The following GRIA3 variants were observed in gnomAD, a reference collection of about 807,000 sequenced individuals.
GRIA3 encodes the protein glutamate ionotropic receptor AMPA type subunit 3, also known as glutamate receptor 3.
In GRIA3, 3 loss-of-function variants were observed where a neutral mutation model predicts 63.0. The ratio of observed to expected loss-of-function variants is 0.05; its 90% CI spans 0.02 to 0.12. The LOEUF (loss-of-function observed/expected upper bound fraction) is 0.12. GRIA3 is among the 10% of genes least tolerant of loss of function. The pLI is 1.00. For synonymous variants in GRIA3, 274 were observed against 257.9 expected (o/e 1.06, Z -0.60); for missense variants, 347 against 700.9 (o/e 0.50, Z 5.70).
chrX:123,217,950 G>A (rs774275038), intron 2 of GRIA3, among the ~76,000 whole-genome samples: 3 of 112,550 alleles, frequency 2.7e-5, no homozygotes, highest in East Asian at 2.8e-4. Flanking sequence ...AATTATTTCC[G>A]ACAGATTGCA....
At chrX:123,354,828 T>A (rs2045122460) in intron 4 of GRIA3, 82 bp from the exon 5 acceptor site, 1 of 687,307 alleles carries the variant, frequency 1.5e-6, no homozygotes, top group Admixed American at 2.2e-5. Flanking sequence ...GCTCTAACAT[T>A]TTGTTCTAGC....
intron 5 of GRIA3, among the ~76,000 whole-genome samples, chrX:123,364,398 C>T (rs931589295): frequency 1.8e-5 from 2 of 111,667 alleles, no homozygotes; most frequent in Non-Finnish European, 3.8e-5. Flanking sequence ...ACAATTAGCC[C>T]CCTTACTACC....
intron 12 of GRIA3, among the ~76,000 whole-genome samples, chrX:123,458,997 T>TGTC (rs1162861285): frequency 8.9e-6 from 1 of 111,993 alleles, no homozygotes; most frequent in Non-Finnish European, 1.9e-5. Context: ...AAATAAATTC[T>TGTC]GTCAGTAAAA....
intron 5 of GRIA3, among the ~76,000 whole-genome samples, chrX:123,394,353 C>T (rs1163354334): frequency 9.1e-6 from 1 of 110,361 alleles, no homozygotes; most frequent in South Asian, 4.0e-4. Flanking sequence ...GGCGACACAG[C>T]GAGACTCTGC....
intron 5 of GRIA3, among the ~76,000 whole-genome samples, chrX:123,364,153 C>A (rs746176940): frequency 3.1e-4 from 35 of 112,212 alleles, no homozygotes; most frequent in Non-Finnish European, 6.2e-4. Context: ...TTGTAATCAA[C>A]CCTTAATTAT....
intron 5 of GRIA3, among the ~76,000 whole-genome samples, chrX:123,365,182 T>A (rs1461030623): frequency 8.9e-6 from 1 of 111,982 alleles, no homozygotes; most frequent in Non-Finnish European, 1.9e-5. Flanking sequence ...TTTCACATTG[T>A]ATATGTATAT....
At chrX:123,342,436 C>A (rs1281286430) in intron 4 of GRIA3, among the ~76,000 whole-genome samples, 2 of 112,080 alleles carry the variant, frequency 1.8e-5, no homozygotes, top group Non-Finnish European at 3.8e-5. Context: ...CTCACTCAGA[C>A]TTTTAATTAA....
At chrX:123,365,955 T>C (rs2045207592) in intron 5 of GRIA3, among the ~76,000 whole-genome samples, 1 of 111,930 alleles carries the variant, frequency 8.9e-6, no homozygotes, top group South Asian at 3.7e-4. Context: ...GGTGGATTAT[T>C]CATGAGTTTT....
At chrX:123,308,597 G>C (rs1419742911) in intron 3 of GRIA3, among the ~76,000 whole-genome samples, 2 of 111,921 alleles carry the variant, frequency 1.8e-5, no homozygotes, top group Non-Finnish European at 3.8e-5. Context: ...AGGGTAACCA[G>C]GGCTGTGCAG....
intron 2 of GRIA3, among the ~76,000 whole-genome samples, chrX:123,187,349 T>G (rs1254762556): frequency 1.8e-5 from 2 of 112,421 alleles, no homozygotes; most frequent in Non-Finnish European, 3.8e-5. Context: ...GATCCTTATA[T>G]GAACGTGTTC....
intron 13 of GRIA3, among the ~76,000 whole-genome samples, chrX:123,469,255 T>G (rs2045850378): frequency 8.9e-6 from 1 of 112,015 alleles, no homozygotes; most frequent in Non-Finnish European, 1.9e-5. Flanking sequence ...GCAATTATAT[T>G]AAGTCATTGA....
At chrX:123,199,529 A>C (rs1192414061) in intron 2 of GRIA3, among the ~76,000 whole-genome samples, 1 of 111,115 alleles carries the variant, frequency 9.0e-6, no homozygotes, top group East Asian at 2.8e-4. Context: ...AGAGATGCTC[A>C]GTGACTAGCC....
chrX:123,291,491 C>T (rs2044655495), intron 3 of GRIA3, among the ~76,000 whole-genome samples: 1 of 110,730 alleles, frequency 9.0e-6, no homozygotes, highest in Non-Finnish European at 1.9e-5. Context: ...CCAAAGCAAT[C>T]ATACCCCAAG....
rs776294174 is a variant in GRIA3, at chrX:123,352,302, A to T, written c.697-2608A>T. ...TCCATGTTGTTCAGGCTGGTCTCAAACTCCCAACCTCAGGTGATCCGCCTG... is the reference window on the plus strand; with the variant it reads ...TCCATGTTGTTCAGGCTGGTCTCAATCTCCCAACCTCAGGTGATCCGCCTG... On this transcript the variant is annotated intron_variant, in intron 4 of 15. Coordinates refer to ENST00000620443, the MANE Select transcript of GRIA3 (RefSeq NM_007325.5). Among the ~76,000 whole-genome samples the T allele has an allele frequency of 4.5e-5, 5 of 110,857 alleles. No homozygotes were observed. In the South Asian group the frequency reaches 1.5e-3, roughly 34 times the overall value.
chrX:123,274,248 T>A (rs577090619), intron 3 of GRIA3, among the ~76,000 whole-genome samples: 1 of 112,676 alleles, frequency 8.9e-6, no homozygotes, highest in South Asian at 3.7e-4. Flanking sequence ...CCTGTCTTTT[T>A]ATTTGCTAGA....
chrX:123,442,543 C>G (rs2045680625), intron 12 of GRIA3, among the ~76,000 whole-genome samples: 1 of 111,494 alleles, frequency 9.0e-6, no homozygotes, highest in Admixed American at 9.5e-5. Flanking sequence ...AGGTGTTCAT[C>G]ATTGAAGGGA....
At chrX:123,286,379 A>G (rs993614577) in intron 3 of GRIA3, among the ~76,000 whole-genome samples, 1 of 111,801 alleles carries the variant, frequency 8.9e-6, no homozygotes, top group African/African-American at 3.3e-5. Context: ...AAGAGCAAAC[A>G]AATTCAAAAC....
chrX:123,188,113 T>A (rs1233455196), intron 2 of GRIA3, among the ~76,000 whole-genome samples: 1 of 112,077 alleles, frequency 8.9e-6, no homozygotes, highest in Non-Finnish European at 1.9e-5. Context: ...CAAATACACA[T>A]GTATGCATGC....
At chrX:123,262,141 C>A (rs1362316821) in intron 3 of GRIA3, among the ~76,000 whole-genome samples, 1 of 111,654 alleles carries the variant, frequency 9.0e-6, no homozygotes, top group Non-Finnish European at 1.9e-5. Flanking sequence ...TGAGGTTTGT[C>A]CCTTGAAGCC....
Sources: allele counts gnomAD v4.1 joint callset (sites outside exome capture counted in the v4.1 genomes callset), GRCh38; gene constraint gnomAD v4.1.1; transcripts MANE v1.5; gene names NCBI Gene and HGNC (gene_info 2026-07-23, HGNC 2026-07-21).